TNRC6B: variants seen among roughly 807,000 people sequenced by gnomAD.
TNRC6B encodes the protein trinucleotide repeat-containing gene 6B protein.
In TNRC6B, 52 loss-of-function variants were observed where a neutral mutation model predicts 203.6. That is an observed-to-expected ratio of 0.26 (90% confidence interval 0.20 to 0.32). The LOEUF (loss-of-function observed/expected upper bound fraction) is 0.32. Ranked by LOEUF, TNRC6B falls within the 10% of genes least tolerant of loss-of-function variation. The probability of loss-of-function intolerance (pLI) is 1.00; values close to 1 mark genes in which losing one functional copy is unlikely to be tolerated. For missense variants in TNRC6B, 1,923 were observed against 2,286.2 expected (o/e 0.84, Z 3.24); for synonymous variants, 838 against 845.7 (o/e 0.99, Z 0.16).
chr22:40,193,829 A>G (rs1879133493), intron 1 of TNRC6B, among the ~76,000 whole-genome samples: 1 of 152,032 alleles, frequency 6.6e-6, no homozygotes, highest in Non-Finnish European at 1.5e-5. Context: ...AAGTAAGATA[A>G]AACATGTGGA....
intron 2 of TNRC6B, among the ~76,000 whole-genome samples, chr22:40,125,031 C>T (rs888753107): frequency 1.3e-5 from 2 of 152,040 alleles, no homozygotes; most frequent in Admixed American, 1.3e-4. Context: ...AAAAAATATT[C>T]CTCAATAATT....
chr22:40,334,991 A>G lies in TNRC6B; in HGVS notation c.*11750A>G, dbSNP rs1054801448. 6 of 152,628 alleles carry G rather than the reference A, an allele frequency of 3.9e-5. No individual in the cohort carries two copies. The highest frequency in any genetic ancestry group is 1.4e-4 in the African/African-American group (6 of 41,544). The allele number at this position is 152,628 out of a possible 1,614,324, so 9.5% of individuals were successfully genotyped here. A position where few individuals can be genotyped will look rare whatever the true frequency, so the allele number is the denominator to read the frequency against. ...TGTAAAAATGACTAATCAGCTGCAC[A>G]TATTGATGCTCTCTGCAAGTTACCT... On this transcript the variant is annotated 3_prime_UTR_variant, in exon 23 of 23. Coordinates refer to ENST00000454349, the MANE Select transcript of TNRC6B (RefSeq NM_001162501.2).
At chr22:40,150,080 A>G (rs1298081594) in intron 3 of TNRC6B, among the ~76,000 whole-genome samples, 4 of 152,348 alleles carry the variant, frequency 2.6e-5, no homozygotes, top group African/African-American at 9.6e-5. Context: ...AAACTAAGGC[A>G]GGTTATTAAT....
chr22:40,132,969 A>AAAAAAAAAAAAAAAAAAATATAT (rs1282694632), intron 3 of TNRC6B, among the ~76,000 whole-genome samples: 1 of 78,174 alleles, frequency 1.3e-5, no homozygotes, highest in Non-Finnish European at 2.6e-5. Context: ...AAAAAAAAAA[A>AAAAAAAAAAAAAAAAAAATATAT]ATATATATAT....
At chr22:40,231,991 T>C (rs937828071) in intron 1 of TNRC6B, among the ~76,000 whole-genome samples, 1 of 152,224 alleles carries the variant, frequency 6.6e-6, no homozygotes, top group Admixed American at 6.5e-5. Context: ...AATGGGATTC[T>C]GGAAAATATA....
chr22:40,078,723 G>A (rs566794920), intron 1 of TNRC6B, among the ~76,000 whole-genome samples: 6 of 151,876 alleles, frequency 4.0e-5, no homozygotes. Context: ...CTCCCAAATA[G>A]CTGGGATTAC....
Position 40,312,926 on chromosome 22 carries a change from C to T in TNRC6B, c.4607C>T (p.Ser1536Leu). The T allele has an allele frequency of 5.6e-6, 9 of 1,613,812 alleles. No homozygotes were observed. The highest frequency in any genetic ancestry group is 2.7e-5 in the African/African-American group (2 of 75,040). ...TTGSNSSLNT[S>L]LPSPGAWPYS... ...GGGTCTAATTCTTCCCTCAACACCT[C>T]GCTGCCTTCACCTGGTGCCTGGCCC... The change falls in exon 19 of 23, where the codon TCG (serine) becomes TTG (leucine). Residue 1536 changes from serine to leucine, a missense_variant. Around this residue, in one of 8 missense-constraint regions of TNRC6B, gnomAD observed 159 missense variants for 181.0 expected, o/e 0.88. Transcript: ENST00000454349.
chr22:40,327,170 C>G lies in TNRC6B; in HGVS notation c.*3929C>G, dbSNP rs1476239613. ...GGTGGGGTTGCTGCCTGCAATTTCT[C>G]TAAAACCGCTTTAGTGCCTTCGTAC... On this transcript the variant is annotated 3_prime_UTR_variant, in exon 23 of 23. Coordinates refer to ENST00000454349, the MANE Select transcript of TNRC6B (RefSeq NM_001162501.2). The G allele has an allele frequency of 1.3e-5, 2 of 153,056 alleles. No homozygotes were observed. Among genetic ancestry groups the G allele is most frequent in the Admixed American group, 1.3e-4 (2 of 15,272 alleles). The allele number at this position is 153,056 out of a possible 1,614,324, so 9.5% of individuals were successfully genotyped here.
intron 1 of TNRC6B, among the ~76,000 whole-genome samples, chr22:40,091,733 G>A (rs1434521412): frequency 6.6e-6 from 1 of 151,992 alleles, no homozygotes; most frequent in African/African-American, 2.4e-5. Context: ...AGTGTTGGCC[G>A]GGAGTTAACT....
At position 40,300,679 on chromosome 22, in the gene TNRC6B, C is replaced by T. The variant is rs912038355; in HGVS notation, c.3840+93C>T. ...TTGCTTCCCACATCTTTGCCACTTT[C>T]TATGTTCAAAGGGTGCTAGTCCACA... On this transcript the variant is annotated intron_variant, in intron 13 of 22. Coordinates refer to ENST00000454349, the MANE Select transcript of TNRC6B (RefSeq NM_001162501.2). 2.0e-6 allele frequency: 3 copies of T among 1,474,958 alleles called. No homozygotes were observed. The African/African-American group carries it at 4.3e-5, about 21-fold the overall frequency. 91.4% of individuals were successfully genotyped at this position (1,474,958 alleles called of 1,614,324 possible).
In TNRC6B at chr22:40,312,518, A is replaced by G; in HGVS notation, c.4449A>G (p.Gly1483=). The change falls in exon 18 of 23, where the codon GGA becomes GGG. Residue 1483 remains glycine (G), a synonymous_variant. Transcript: ENST00000454349. The part of the protein sequence containing the change: ...NASWPPEFQP[G]VPWKGIQNID... ...TCCTTGTCTCAGAATTCCAACCAGG[A>G]GTGCCATGGAAAGGTATCCAAAACA... The G allele has an allele frequency of 6.2e-7, 1 of 1,611,004 alleles. No homozygotes were observed. Among genetic ancestry groups the G allele is most frequent in the South Asian group, 1.1e-5 (1 of 90,080 alleles).
chr22:40,283,707 A>G (rs2070747128), intron 11 of TNRC6B, among the ~76,000 whole-genome samples: 1 of 152,166 alleles, frequency 6.6e-6, no homozygotes, highest in South Asian at 2.1e-4. Flanking sequence ...GGGTCACTTG[A>G]TAATGAAAAG....
At position 40,333,030 on chromosome 22, in the gene TNRC6B, G is replaced by C. The variant is rs1380861364; in HGVS notation, c.*9789G>C. 1 of 152,202 alleles carries C rather than the reference G, an allele frequency of 6.6e-6. No homozygotes were observed. The highest frequency in any genetic ancestry group is 1.5e-5 in the Non-Finnish European group (1 of 68,032). 9.4% of individuals were successfully genotyped at this position (152,202 alleles called of 1,614,324 possible). A position where few individuals can be genotyped will look rare whatever the true frequency, so the allele number is the denominator to read the frequency against. ...TGTTATCTCCATTGCCTCCCACACA[G>C]TGACAGCAGACCAGTATGTAAACCC... On this transcript the variant is annotated 3_prime_UTR_variant, in exon 23 of 23. Transcript: ENST00000454349.
At chr22:40,103,647 A>AT (rs1433548880) in intron 1 of TNRC6B, among the ~76,000 whole-genome samples, 4 of 148,764 alleles carry the variant, frequency 2.7e-5, no homozygotes, top group African/African-American at 5.0e-5. Context: ...TTTTTTCTTT[A>AT]TTTTTTACCT....
chr22:40,143,383 T>A (rs2068661004), intron 3 of TNRC6B, among the ~76,000 whole-genome samples: 1 of 152,084 alleles, frequency 6.6e-6, no homozygotes. Flanking sequence ...CAATGAGCTA[T>A]GATCACGCCA....
At chr22:40,127,211 G>T (rs1309013883) in intron 3 of TNRC6B, among the ~76,000 whole-genome samples, 1 of 152,040 alleles carries the variant, frequency 6.6e-6, no homozygotes, top group African/African-American at 2.4e-5. Context: ...CTTCCTGGGA[G>T]CTCTGAAAAC....
intron 1 of TNRC6B, among the ~76,000 whole-genome samples, chr22:40,222,607 A>G (rs774834279): frequency 1.3e-5 from 2 of 152,070 alleles, no homozygotes; most frequent in Non-Finnish European, 2.9e-5. Flanking sequence ...CTTTTTACTT[A>G]AAGTTTTTAT....
chr22:40,205,645 C>T (rs73165057), intron 1 of TNRC6B, among the ~76,000 whole-genome samples: 1 of 152,104 alleles, frequency 6.6e-6, no homozygotes, highest in Non-Finnish European at 1.5e-5. Flanking sequence ...ACTACCACTG[C>T]CTAACAGTAA....
chr22:40,252,468 G>A (rs1289144098), intron 3 of TNRC6B, among the ~76,000 whole-genome samples: 2 of 152,196 alleles, frequency 1.3e-5, no homozygotes, highest in Admixed American at 6.5e-5. Context: ...ACCAAAGCCT[G>A]TCACACAATG....
Sources: gnomAD v4.1 joint callset for allele counts (sites outside exome capture counted in the v4.1 genomes callset) on GRCh38, gnomAD v4.1.1 for gene constraint, gnomAD v4.1.1 regional missense constraint, MANE v1.5 for transcripts, NCBI Gene and HGNC (gene_info 2026-07-23, HGNC 2026-07-21) for gene names.